Variants in DCAF12 observed in about 807,000 individuals in gnomAD.
DCAF12 encodes DDB1 and CUL4 associated factor 12, also known as DDB1- and CUL4-associated factor 12.
DCAF12 carries 28 observed loss-of-function variants against 52.8 expected under a neutral mutation model. That is an observed-to-expected ratio of 0.53 (90% confidence interval 0.39 to 0.73). The LOEUF (loss-of-function observed/expected upper bound fraction) is 0.73. Ranked by LOEUF, DCAF12 falls within the 30% of genes least tolerant of loss-of-function variation. DCAF12 has a pLI of 0.00. For synonymous variants in DCAF12, 196 were observed against 215.5 expected (o/e 0.91, Z 0.79); for missense variants, 425 against 552.2 (o/e 0.77, Z 2.31).
In DCAF12 at chr9:34,112,097, C is replaced by G. The variant is rs970774600; in HGVS notation, c.334-4532G>C. Among the ~76,000 whole-genome samples the G allele has an allele frequency of 2.0e-5, 3 of 149,776 alleles. No homozygotes were observed. In the East Asian group the frequency reaches 6.0e-4, roughly 30 times the overall value. On this transcript the variant is annotated intron_variant, in intron 2 of 8. Coordinates refer to ENST00000361264, the MANE Select transcript of DCAF12 (RefSeq NM_015397.4). ...GGTGGAGGTTGCAGTGAGCCAAGATCGTGCCATTGCACTCCAGCCTGGGTG... is the reference window on the plus strand; with the variant it reads ...GGTGGAGGTTGCAGTGAGCCAAGATGGTGCCATTGCACTCCAGCCTGGGTG...
At chr9:34,095,340 TG>T (rs1233030400) in intron 6 of DCAF12, among the ~76,000 whole-genome samples, 1 of 147,790 alleles carries the variant, frequency 6.8e-6, no homozygotes, top group Non-Finnish European at 1.5e-5. Context: ...CCCAAAGTGC[TG>T]GGATTATAGG....
intron 2 of DCAF12, among the ~76,000 whole-genome samples, chr9:34,117,863 G>C (rs369708705): frequency 6.6e-6 from 1 of 152,128 alleles, no homozygotes; most frequent in Non-Finnish European, 1.5e-5. Flanking sequence ...GCAGTGAGCC[G>C]AGATCGCGCC....
At chr9:34,093,236 AC>A in intron 7 of DCAF12, 49 bp downstream of exon 7, 1 of 1,603,886 alleles carries the variant, frequency 6.2e-7, no homozygotes, top group Non-Finnish European at 8.5e-7. Context: ...GAAAGTCAGA[AC>A]CCATATGCAG....
At chr9:34,115,142 A>G (rs886746106) in intron 2 of DCAF12, among the ~76,000 whole-genome samples, 1 of 152,086 alleles carries the variant, frequency 6.6e-6, no homozygotes, top group Non-Finnish European at 1.5e-5. Flanking sequence ...GGGCAACCTA[A>G]GTCTGTGGAG....
rs1828583460 is a variant in DCAF12, at chr9:34,087,814, T to C, written c.*536A>G. The C allele has an allele frequency of 6.6e-6, 1 of 152,218 alleles. No individual in the cohort carries two copies. The highest frequency in any genetic ancestry group is 1.5e-5 in the Non-Finnish European group (1 of 68,056). The allele number at this position is 152,218 out of a possible 1,614,324, so 9.4% of individuals were successfully genotyped here. ...TCTGTGAATAAAGTTGTTTCTTTTA[T>C]AAATATTTTAATTACAAGTAATCCT... On this transcript the variant is annotated 3_prime_UTR_variant, in exon 9 of 9. Transcript: ENST00000361264.
intron 2 of DCAF12, chr9:34,109,944 C>T (rs1587737946): frequency 4.5e-6 from 1 of 220,434 alleles, no homozygotes; most frequent in African/African-American, 2.3e-5. Flanking sequence ...CCATGTCCAA[C>T]ACCTTGGGTG....
At chr9:34,091,358 G>A (rs1430785542) in intron 7 of DCAF12, among the ~76,000 whole-genome samples, 1 of 151,846 alleles carries the variant, frequency 6.6e-6, no homozygotes, top group Non-Finnish European at 1.5e-5. Context: ...AAATAGCTGG[G>A]CACAGTGGCT....
chr9:34,106,306 G>C lies in DCAF12; in HGVS notation c.601+128C>G. On this transcript the variant is annotated intron_variant, in intron 4 of 8. Coordinates refer to ENST00000361264, the MANE Select transcript of DCAF12 (RefSeq NM_015397.4). ...GATCCACCCACCTCAGCCTCCCAAA[G>C]TGCTGGGATTATAGGCGTGAGTCAC... 5.8e-6 allele frequency: 4 copies of C among 691,984 alleles called. No homozygotes were observed. In the South Asian group the frequency reaches 7.9e-5, roughly 14 times the overall value. 42.9% of individuals were successfully genotyped at this position (691,984 alleles called of 1,614,324 possible).
intron 4 of DCAF12, among the ~76,000 whole-genome samples, chr9:34,101,479 G>A (rs1198775537): frequency 6.6e-6 from 1 of 151,808 alleles, no homozygotes; most frequent in East Asian, 2.0e-4. Flanking sequence ...CGCAACCTCT[G>A]CTTACTGGGT....
In DCAF12 at chr9:34,088,327, T is replaced by C; in HGVS notation, c.*23A>G. 6.6e-7 allele frequency: 1 copy of C among 1,525,578 alleles called. No homozygotes were observed. The highest frequency in any genetic ancestry group is 8.8e-7 in the Non-Finnish European group (1 of 1,141,268). The allele number at this position is 1,525,578 out of a possible 1,614,324, so 94.5% of individuals were successfully genotyped here. A position where few individuals can be genotyped will look rare whatever the true frequency, so the allele number is the denominator to read the frequency against. On this transcript the variant is annotated 3_prime_UTR_variant, in exon 9 of 9. Transcript: ENST00000361264. ...AACTGAGAATGGAAGTTAGTGTAAATCTCTGCATTTGGGGAGTTGTCATTA... is the reference window on the plus strand; with the variant it reads ...AACTGAGAATGGAAGTTAGTGTAAACCTCTGCATTTGGGGAGTTGTCATTA...
intron 7 of DCAF12, among the ~76,000 whole-genome samples, chr9:34,092,310 C>T (rs1450222579): frequency 6.6e-6 from 1 of 152,218 alleles, no homozygotes; most frequent in Non-Finnish European, 1.5e-5. Flanking sequence ...TAAACTTCCT[C>T]CTTATCCCAC....
Position 34,126,689 on chromosome 9 carries a change from C to T in DCAF12, c.-258G>A, listed in dbSNP as rs1271550408. Reference sequence around the variant, plus strand: ...CGGCAGAGCCTGCAAGGACGGCGAGCGGCTAGAACCAAAACACCCCCTCCC... The same window carrying T: ...CGGCAGAGCCTGCAAGGACGGCGAGTGGCTAGAACCAAAACACCCCCTCCC... On this transcript the variant is annotated 5_prime_UTR_variant, in exon 1 of 9. Coordinates refer to ENST00000361264, the MANE Select transcript of DCAF12 (RefSeq NM_015397.4). 9.0e-6 allele frequency: 5 copies of T among 554,336 alleles called. No homozygotes were observed. Among genetic ancestry groups the T allele is most frequent in the East Asian group, 6.3e-5 (2 of 31,696 alleles). The allele number at this position is 554,336 out of a possible 1,614,324, so 34.3% of individuals were successfully genotyped here. A position where few individuals can be genotyped will look rare whatever the true frequency, so the allele number is the denominator to read the frequency against.
At chr9:34,116,755 C>G (rs1050451620) in intron 2 of DCAF12, among the ~76,000 whole-genome samples, 5 of 152,088 alleles carry the variant, frequency 3.3e-5, no homozygotes, top group Non-Finnish European at 7.4e-5. Flanking sequence ...CTGAGGGGGG[C>G]AGATCACTCT....
chr9:34,122,304 G>T (rs970951607), intron 2 of DCAF12, among the ~76,000 whole-genome samples: 1 of 152,028 alleles, frequency 6.6e-6, no homozygotes, highest in Non-Finnish European at 1.5e-5. Flanking sequence ...CCATGATAAT[G>T]TAACAATTTC....
intron 1 of DCAF12, 47 bp from the exon 2 acceptor site, chr9:34,125,324 G>A (rs1829232615): frequency 1.9e-6 from 3 of 1,600,188 alleles, no homozygotes; most frequent in South Asian, 2.2e-5. Flanking sequence ...CTCTTCTTCA[G>A]AACAGATCCT....
intron 7 of DCAF12, among the ~76,000 whole-genome samples, chr9:34,092,293 C>T (rs945474009): frequency 6.6e-6 from 1 of 152,192 alleles, no homozygotes; most frequent in Non-Finnish European, 1.5e-5. Context: ...TTTCCTCATG[C>T]CCTTTGTAAA....
At chr9:34,109,245 G>A (rs1262558313) in intron 2 of DCAF12, 2 of 174,782 alleles carry the variant, frequency 1.1e-5, no homozygotes, top group Non-Finnish European at 2.5e-5. Flanking sequence ...ACTCGGACAT[G>A]TTCATGCTGC....
intron 4 of DCAF12, 40 bp from the exon 5 acceptor site, chr9:34,098,557 C>T (rs760892945): frequency 1.3e-6 from 2 of 1,584,408 alleles, no homozygotes; most frequent in East Asian, 4.5e-5. Flanking sequence ...ATGTACCCAC[C>T]CCTCTATGGG....
At chr9:34,099,008 G>C (rs571342306) in intron 4 of DCAF12, among the ~76,000 whole-genome samples, 1 of 150,034 alleles carries the variant, frequency 6.7e-6, no homozygotes, top group Non-Finnish European at 1.5e-5. Context: ...GAGTTCCAGC[G>C]ATCAGCCTGC....
Sources: gnomAD v4.1 joint callset for allele counts (sites outside exome capture counted in the v4.1 genomes callset) on GRCh38, gnomAD v4.1.1 for gene constraint, MANE v1.5 for transcripts, NCBI Gene and HGNC (gene_info 2026-07-23, HGNC 2026-07-21) for gene names.